The following CNTLN variants were observed in gnomAD, a reference collection of about 807,000 sequenced individuals.
The protein encoded by CNTLN is centlein, centrosomal protein.
In CNTLN, 212 loss-of-function variants were observed where a neutral mutation model predicts 180.0. The observed-to-expected ratio is 1.18, with a 90% CI of 1.05 to 1.32. The LOEUF (loss-of-function observed/expected upper bound fraction) is 1.32, where lower values mean the gene tolerates loss of function less well. CNTLN is among the 40% of genes most tolerant of loss of function. The pLI, the probability that CNTLN is intolerant of heterozygous loss-of-function variation, is 0.00. For missense variants in CNTLN, 2,095 were observed against 1,610.9 expected, an observed-to-expected ratio of 1.30 and a Z score of -5.14; for synonymous variants, 722 against 563.1, an observed-to-expected ratio of 1.28 and a Z score of -3.99.
intron 6 of CNTLN, among the ~76,000 whole-genome samples, chr9:17,276,318 T>G (rs1828308811): frequency 6.6e-6 from 1 of 152,068 alleles, no homozygotes. Context: ...TCTTGTTTCT[T>G]TCATCATTAT....
At chr9:17,326,490 T>A (rs10810758) in intron 8 of CNTLN, among the ~76,000 whole-genome samples, 43,583 of 151,840 alleles carry the variant, frequency 0.29, 6,624 homozygotes, top group South Asian at 0.51. Flanking sequence ...AGATCTATGA[T>A]GATATACATG....
At position 17,185,164 on chromosome 9, in the gene CNTLN, G is replaced by C. The variant is rs1490383403; in HGVS notation, c.450-41039G>C. On this transcript the variant is annotated intron_variant, in intron 2 of 25. Transcript: ENST00000380647. Reference sequence around the variant, plus strand: ...ATTTTCTGTTGAAACCTGTCTTCTGGTAAAACATTCAAACACATTTACAAT... The same window carrying C: ...ATTTTCTGTTGAAACCTGTCTTCTGCTAAAACATTCAAACACATTTACAAT... Among the ~76,000 whole-genome samples, 3 of 152,110 alleles carry C rather than the reference G, an allele frequency of 2.0e-5. No homozygotes were observed. The East Asian group carries it at 5.8e-4, about 29-fold the overall frequency.
chr9:17,235,567 C>T (rs1360514591), intron 3 of CNTLN, 91 bp from the exon 4 acceptor site: 4 of 1,030,940 alleles, frequency 3.9e-6, no homozygotes, highest in Non-Finnish European at 5.7e-6. Flanking sequence ...TTAATCATCA[C>T]ATTAGCAAAT....
chr9:17,178,153 C>T (rs559452615), intron 2 of CNTLN, among the ~76,000 whole-genome samples: 1 of 142,768 alleles, frequency 7.0e-6, no homozygotes, highest in Admixed American at 6.9e-5. Flanking sequence ...AAGGTTCTCC[C>T]AGTTCCCACC....
Position 17,330,595 on chromosome 9 carries a change from C to G in CNTLN, c.1342-37C>G, listed in dbSNP as rs568293470. On this transcript the variant is annotated intron_variant, in intron 8 of 25. Coordinates refer to ENST00000380647, the MANE Select transcript of CNTLN (RefSeq NM_017738.4). ...ATTTATAAATAATGTAAGATACAAACATAGATATCTATTTACAATTATACT... is the reference window on the plus strand; with the variant it reads ...ATTTATAAATAATGTAAGATACAAAGATAGATATCTATTTACAATTATACT... 8.0e-6 allele frequency: 9 copies of G among 1,118,468 alleles called. No homozygotes were observed. In the African/African-American group the frequency reaches 1.3e-4, roughly 16 times the overall value. 69.3% of individuals were successfully genotyped at this position (1,118,468 alleles called of 1,614,324 possible). A position where few individuals can be genotyped will look rare whatever the true frequency, so the allele number is the denominator to read the frequency against.
chr9:17,515,294 A>C, the CNTLN span, among the ~76,000 whole-genome samples: 1 of 152,090 alleles, frequency 6.6e-6, no homozygotes, highest in Non-Finnish European at 1.5e-5. Context: ...GATAGCCCTC[A>C]TCTTCCTTAA....
chr9:17,326,855 G>C (rs545306579), intron 8 of CNTLN, among the ~76,000 whole-genome samples: 1 of 152,208 alleles, frequency 6.6e-6, no homozygotes, highest in East Asian at 1.9e-4. Context: ...TGAAAGACAA[G>C]GAAGGTCTGA....
intron 5 of CNTLN, among the ~76,000 whole-genome samples, chr9:17,257,070 C>T (rs1164037607): frequency 6.6e-6 from 1 of 151,876 alleles, no homozygotes; most frequent in African/African-American, 2.4e-5. Flanking sequence ...TGGTGCACTG[C>T]ACCCACTAAC....
intron 15 of CNTLN, among the ~76,000 whole-genome samples, chr9:17,401,973 A>G (rs985266464): frequency 1.3e-5 from 2 of 151,888 alleles, no homozygotes; most frequent in Non-Finnish European, 2.9e-5. Context: ...AAGACGCATC[A>G]ATAGAAAATG....
chr9:17,148,808 A>G (rs1289398943), intron 2 of CNTLN, among the ~76,000 whole-genome samples: 2 of 152,126 alleles, frequency 1.3e-5, no homozygotes, highest in East Asian at 3.9e-4. Context: ...TAGTGCCACA[A>G]TAATTTTTTT....
In CNTLN at chr9:17,413,406, A is replaced by G. The variant is rs555930280; in HGVS notation, c.2797-2382A>G. On this transcript the variant is annotated intron_variant, in intron 16 of 25. Transcript: ENST00000380647. The stretch of plus-strand genomic sequence containing the variant: ...AGCATGATCCATAAAAGAAAACAAC[A>G]GTAAATTAGACTTCATTAAAATTAA... Among the ~76,000 whole-genome samples, 17 of 152,256 alleles carry G rather than the reference A, an allele frequency of 1.1e-4. No homozygotes were observed. The East Asian group carries it at 3.1e-3, about 28-fold the overall frequency.
chr9:17,218,663 T>C (rs1283937594), intron 2 of CNTLN, among the ~76,000 whole-genome samples: 1 of 152,158 alleles, frequency 6.6e-6, no homozygotes, highest in East Asian at 1.9e-4. Context: ...GGTTCTCTAC[T>C]CAAATGAAAG....
At chr9:17,175,549 A>G (rs947007532) in intron 2 of CNTLN, among the ~76,000 whole-genome samples, 1 of 152,168 alleles carries the variant, frequency 6.6e-6, no homozygotes, top group African/African-American at 2.4e-5. Flanking sequence ...TACTATAGCT[A>G]TATAATGCAT....
intron 13 of CNTLN, among the ~76,000 whole-genome samples, chr9:17,367,700 T>G (rs562882480): frequency 6.0e-4 from 92 of 152,224 alleles, no homozygotes; most frequent in African/African-American, 2.1e-3. Context: ...GAGACCCTTA[T>G]TCTAGGCCCT....
In CNTLN at chr9:17,360,431, G is replaced by A. The variant is rs188810651; in HGVS notation, c.1887-6186G>A. On this transcript the variant is annotated intron_variant, in intron 12 of 25. Coordinates refer to ENST00000380647, the MANE Select transcript of CNTLN (RefSeq NM_017738.4). The stretch of plus-strand genomic sequence containing the variant: ...AACATCAGTGGGAAGGGAGATTCTG[G>A]CTAAACTGACCTTATCAGGATTTTG... Among the ~76,000 whole-genome samples, 420 of 152,248 alleles carry A rather than the reference G, an allele frequency of 2.8e-3. 2 individuals carry two copies. Among genetic ancestry groups the A allele is most frequent in the Non-Finnish European group, 5.4e-3 (364 of 68,018 alleles).
At chr9:17,248,984 T>G (rs750356015) in intron 5 of CNTLN, among the ~76,000 whole-genome samples, 1 of 152,098 alleles carries the variant, frequency 6.6e-6, no homozygotes, top group Non-Finnish European at 1.5e-5. Flanking sequence ...AGCTAAGGGT[T>G]TGCAAAATTG....
chr9:17,218,384 T>G (rs1169663979), intron 2 of CNTLN, among the ~76,000 whole-genome samples: 2 of 152,160 alleles, frequency 1.3e-5, no homozygotes, highest in Non-Finnish European at 2.9e-5. Context: ...TAAAATGTGT[T>G]TGTACAATAT....
chr9:17,281,026 G>T (rs1171264207), intron 6 of CNTLN, among the ~76,000 whole-genome samples: 1 of 152,094 alleles, frequency 6.6e-6, no homozygotes, highest in Non-Finnish European at 1.5e-5. Context: ...TGTCCTAGGT[G>T]CTCTGTTTAT....
At chr9:17,433,335 A>C (rs1361533052) in intron 18 of CNTLN, among the ~76,000 whole-genome samples, 2 of 150,310 alleles carry the variant, frequency 1.3e-5, no homozygotes, top group Non-Finnish European at 3.0e-5. Context: ...CCCAAGCTGG[A>C]GTGCAATGGC....
Sources: gnomAD v4.1 joint callset for allele counts (sites outside exome capture counted in the v4.1 genomes callset) on GRCh38, gnomAD v4.1.1 for gene constraint, MANE v1.5 for transcripts, NCBI Gene and HGNC (gene_info 2026-07-23, HGNC 2026-07-21) for gene names.